Variants in CPNE4 observed in about 807,000 individuals in gnomAD.
CPNE4 encodes copine 4, also known as copine-4.
A neutral mutation model predicts 67.9 loss-of-function variants in CPNE4; 25 were observed. The observed-to-expected ratio is 0.37, with a 90% CI of 0.27 to 0.51. The LOEUF is 0.51. CPNE4 is among the 20% of genes least tolerant of loss of function. The pLI, the probability that CPNE4 is intolerant of heterozygous loss-of-function variation, is 0.93. For missense variants in CPNE4, 464 were observed against 690.8 expected, an observed-to-expected ratio of 0.67 and a Z score of 3.68; for synonymous variants, 242 against 244.9, an observed-to-expected ratio of 0.99 and a Z score of 0.11.
intron 1 of CPNE4, among the ~76,000 whole-genome samples, chr3:131,951,259 A>G (rs1284238055): frequency 2.0e-5 from 3 of 152,316 alleles, no homozygotes; most frequent in Non-Finnish European, 4.4e-5. Flanking sequence ...TTGTGTTATT[A>G]TAATTTATGT....
chr3:131,853,369 T>TTG (rs149096009), intron 2 of CPNE4, among the ~76,000 whole-genome samples: 28 of 151,086 alleles, frequency 1.9e-4, no homozygotes, highest in South Asian at 1.5e-3. Flanking sequence ...AACTCGATAC[T>TTG]TGTGTGTGTG....
At chr3:131,577,799 G>A (rs938855850) in intron 9 of CPNE4, among the ~76,000 whole-genome samples, 1 of 152,054 alleles carries the variant, frequency 6.6e-6, no homozygotes. Context: ...CAATGGCTAT[G>A]AGTCACTAGG....
At chr3:131,763,257 A>G (rs973366943) in intron 2 of CPNE4, among the ~76,000 whole-genome samples, 3 of 152,142 alleles carry the variant, frequency 2.0e-5, no homozygotes, top group South Asian at 2.1e-4. Flanking sequence ...CTGAGATAAC[A>G]TGAATCACAG....
intron 8 of CPNE4, among the ~76,000 whole-genome samples, chr3:131,582,924 T>C (rs914764989): frequency 2.0e-5 from 3 of 152,166 alleles, no homozygotes; most frequent in African/African-American, 7.2e-5. Context: ...TAGCGAATGT[T>C]GAGTACATAG....
In CPNE4 at chr3:131,575,140, AG is replaced by A; in HGVS notation, c.868-11del. On this transcript the variant is annotated splice_polypyrimidine_tract_variant and intron_variant, in intron 9 of 15. Transcript: ENST00000429747. ...AATGCATCTTGTGAATCTGCATAGGAGGGGAGAGGAAACTGGGTTAATAACA... is the reference window on the plus strand; with the variant it reads ...AATGCATCTTGTGAATCTGCATAGGAGGGAGAGGAAACTGGGTTAATAACA... 1 of 1,611,762 alleles carries A rather than the reference AG, an allele frequency of 6.2e-7. No individual in the cohort carries two copies. The highest frequency in any genetic ancestry group is 1.7e-5 in the Admixed American group (1 of 59,926).
rs1582767183 is a variant in CPNE4 at position 131,546,991 on chromosome 3, G to A, written c.1302+2956C>T. Among the ~76,000 whole-genome samples the A allele has an allele frequency of 2.0e-5, 3 of 152,100 alleles. No homozygotes were observed. The South Asian group carries it at 6.2e-4, about 32-fold the overall frequency. ...AGAATTGGTTCTGGTGCTGAAAAAA[G>A]GTTAAAAAATAAAATAAAATAATGG... On this transcript the variant is annotated intron_variant, in intron 14 of 15. Coordinates refer to ENST00000429747, the MANE Select transcript of CPNE4 (RefSeq NM_130808.3).
At chr3:131,985,421 G>A (rs1426622042) in intron 1 of CPNE4, among the ~76,000 whole-genome samples, 1 of 152,178 alleles carries the variant, frequency 6.6e-6, no homozygotes, top group African/African-American at 2.4e-5. Context: ...TAGAAGCTTA[G>A]TGCATTTCTG....
At chr3:131,688,265 C>T (rs560882406) in intron 5 of CPNE4, among the ~76,000 whole-genome samples, 10 of 152,272 alleles carry the variant, frequency 6.6e-5, no homozygotes, top group Admixed American at 4.6e-4. Context: ...CTGGAACATC[C>T]GCTACTACTC....
intron 3 of CPNE4, among the ~76,000 whole-genome samples, chr3:131,702,989 A>G (rs1445083913): frequency 1.3e-5 from 2 of 152,116 alleles, no homozygotes; most frequent in Admixed American, 1.3e-4. Context: ...AGGGTTTTGA[A>G]TTTTTCATTG....
At chr3:131,838,184 T>C (rs1450426335) in intron 2 of CPNE4, among the ~76,000 whole-genome samples, 1 of 152,016 alleles carries the variant, frequency 6.6e-6, no homozygotes, top group Non-Finnish European at 1.5e-5. Flanking sequence ...TTTTGAAAAC[T>C]AATGACCTTA....
At chr3:131,727,323 A>G (rs756266451) in intron 2 of CPNE4, among the ~76,000 whole-genome samples, 1 of 152,132 alleles carries the variant, frequency 6.6e-6, no homozygotes, top group Non-Finnish European at 1.5e-5. Context: ...GGCCAGGCGC[A>G]GTGGCTCAAG....
chr3:131,705,478 T>G (rs1221712830), intron 3 of CPNE4, among the ~76,000 whole-genome samples: 1 of 152,228 alleles, frequency 6.6e-6, no homozygotes, highest in Non-Finnish European at 1.5e-5. Flanking sequence ...GCTTTTAAAT[T>G]AATCTGTTCT....
At position 131,775,366 on chromosome 3, in the gene CPNE4, A is replaced by T. The variant is rs958418; in HGVS notation, c.181-51741T>A. On this transcript the variant is annotated intron_variant, in intron 2 of 15. Coordinates refer to ENST00000429747, the MANE Select transcript of CPNE4 (RefSeq NM_130808.3). ...AAATTAACATCTTTGGTGGGGTAGAATTTTAGTTGGTACACAATAAATGTC... is the reference window on the plus strand; with the variant it reads ...AAATTAACATCTTTGGTGGGGTAGATTTTTAGTTGGTACACAATAAATGTC... Among the ~76,000 whole-genome samples, 1,557 of 152,232 alleles carry T rather than the reference A, an allele frequency of 0.01. 72 individuals carry two copies. The East Asian group carries it at 0.12, about 12-fold the overall frequency.
intron 2 of CPNE4, among the ~76,000 whole-genome samples, chr3:131,865,379 A>G (rs991478256): frequency 1.3e-5 from 2 of 151,146 alleles, no homozygotes; most frequent in Admixed American, 1.3e-4. Context: ...TTTGTAATGC[A>G]TATTAGTCCT....
chr3:131,871,678 G>A (rs945425363), intron 2 of CPNE4, among the ~76,000 whole-genome samples: 4 of 151,986 alleles, frequency 2.6e-5, no homozygotes, highest in Admixed American at 6.6e-5. Flanking sequence ...TACCAACTTC[G>A]GTTTTCTTGT....
At chr3:131,655,651 G>A (rs966917460) in intron 7 of CPNE4, among the ~76,000 whole-genome samples, 2 of 152,010 alleles carry the variant, frequency 1.3e-5, no homozygotes, top group Non-Finnish European at 2.9e-5. Context: ...AACCGACGTC[G>A]GGGGGCAGGG....
chr3:131,648,354 C>A (rs1243658512), intron 7 of CPNE4, among the ~76,000 whole-genome samples: 5 of 152,202 alleles, frequency 3.3e-5, no homozygotes, highest in African/African-American at 1.2e-4. Context: ...GCCTGGGCAA[C>A]AGAGCAAGAC....
chr3:131,723,678 C>A, intron 2 of CPNE4, 53 bp from the exon 3 acceptor site: 2 of 1,492,072 alleles, frequency 1.3e-6, no homozygotes, highest in South Asian at 1.2e-5. Flanking sequence ...TTTATTATTA[C>A]CGTTCAAGAA....
At chr3:131,806,799 A>G (rs754251697) in intron 2 of CPNE4, among the ~76,000 whole-genome samples, 3 of 152,178 alleles carry the variant, frequency 2.0e-5, no homozygotes, top group East Asian at 1.9e-4. Flanking sequence ...ACGAGGTGGT[A>G]GCATGAAAGG....
Sources: allele counts gnomAD v4.1 joint callset (sites outside exome capture counted in the v4.1 genomes callset), GRCh38; gene constraint gnomAD v4.1.1; transcripts MANE v1.5; gene names NCBI Gene and HGNC (gene_info 2026-07-23, HGNC 2026-07-21).